Variants in ZNF365 observed in about 807,000 individuals in gnomAD.
ZNF365 encodes the protein zinc finger protein 365.
A neutral mutation model predicts 35.0 loss-of-function variants in ZNF365; 22 were observed. The ratio of observed to expected loss-of-function variants is 0.63; its 90% CI spans 0.45 to 0.90. The LOEUF (loss-of-function observed/expected upper bound fraction) is 0.90, where lower values mean the gene tolerates loss of function less well. ZNF365 is among the 40% of genes least tolerant of loss of function. The pLI is 0.00. For missense variants in ZNF365, 448 were observed against 500.3 expected, an observed-to-expected ratio of 0.90 and a Z score of 1.00; for synonymous variants, 188 against 196.2, an observed-to-expected ratio of 0.96 and a Z score of 0.35.
chr10:62,417,665 CTTT>C (rs34591284), intron 3 of ZNF365, among the ~76,000 whole-genome samples: 8 of 150,298 alleles, frequency 5.3e-5, no homozygotes, highest in African/African-American at 9.8e-5. Context: ...AATCTCCTGT[CTTT>C]TTTTTTTTAA....
intron 4 of ZNF365, among the ~76,000 whole-genome samples, chr10:62,472,671 T>C (rs1395581649): frequency 6.6e-6 from 1 of 152,130 alleles, no homozygotes; most frequent in Non-Finnish European, 1.5e-5. Flanking sequence ...AGACAATACG[T>C]TTCTATTGTT....
intron 4 of ZNF365, among the ~76,000 whole-genome samples, chr10:62,465,226 G>C (rs1042456704): frequency 5.3e-5 from 8 of 152,168 alleles, no homozygotes; most frequent in African/African-American, 1.9e-4. Flanking sequence ...CACATGCTTG[G>C]AGCAGCGCTG....
chr10:62,387,608 G>T (rs1224503812), intron 2 of ZNF365, among the ~76,000 whole-genome samples: 1 of 152,052 alleles, frequency 6.6e-6, no homozygotes, highest in Non-Finnish European at 1.5e-5. Flanking sequence ...CAGCTTCTTA[G>T]GGGAGGGCAA....
Position 62,455,620 on chromosome 10 carries a change from C to T in ZNF365, c.925-4121C>T, listed in dbSNP as rs531848463. Among the ~76,000 whole-genome samples, 254 of 151,640 alleles carry T rather than the reference C, an allele frequency of 1.7e-3. 2 individuals carry two copies. Among genetic ancestry groups the T allele is most frequent in the African/African-American group, 6.0e-3 (249 of 41,352 alleles). Reference sequence around the variant, plus strand: ...TACTGATTTATAAATCTCATATATACATAGTTTATTTAAACTATGTGCATA... The same window carrying T: ...TACTGATTTATAAATCTCATATATATATAGTTTATTTAAACTATGTGCATA... On this transcript the variant is annotated intron_variant, in intron 3 of 4. Coordinates refer to the ZNF365 transcript ENST00000395255.
intron 3 of ZNF365, among the ~76,000 whole-genome samples, chr10:62,452,028 T>C (rs1840691073): frequency 6.6e-6 from 1 of 152,354 alleles, no homozygotes; most frequent in South Asian, 2.1e-4. Context: ...TATTCCTATA[T>C]TACCAGTGCA....
chr10:62,452,338 A>C (rs1052080197), intron 3 of ZNF365, among the ~76,000 whole-genome samples: 1 of 152,196 alleles, frequency 6.6e-6, no homozygotes, highest in East Asian at 1.9e-4. Context: ...AATCAAGGAA[A>C]TTGATGGGAA....
At chr10:62,458,362 C>G (rs891848346) in intron 3 of ZNF365, among the ~76,000 whole-genome samples, 8 of 151,952 alleles carry the variant, frequency 5.3e-5, no homozygotes, top group African/African-American at 1.9e-4. Flanking sequence ...TGATGGTTTC[C>G]TTTTTTGTCT....
chr10:62,440,080 G>A (rs1485246087), intron 3 of ZNF365, among the ~76,000 whole-genome samples: 7 of 152,106 alleles, frequency 4.6e-5, no homozygotes, highest in African/African-American at 1.7e-4. Flanking sequence ...TGCCTATGGA[G>A]TCTGTTATAC....
chr10:62,442,026 G>A (rs1840509554), intron 3 of ZNF365, among the ~76,000 whole-genome samples: 2 of 152,108 alleles, frequency 1.3e-5, no homozygotes, highest in Admixed American at 6.6e-5. Context: ...TCCCAAGCTG[G>A]GTAGACATGC....
intron 3 of ZNF365, among the ~76,000 whole-genome samples, chr10:62,451,079 G>A (rs186919707): frequency 6.6e-6 from 1 of 152,120 alleles, no homozygotes; most frequent in Admixed American, 6.6e-5. Context: ...ATGAAACTAC[G>A]TGCAGAAAAC....
At chr10:62,416,492 G>T (rs1057285314) in intron 3 of ZNF365, among the ~76,000 whole-genome samples, 5 of 151,956 alleles carry the variant, frequency 3.3e-5, no homozygotes, top group East Asian at 1.9e-4. Context: ...CCTATTTTTC[G>T]AATGTCTTGA....
At chr10:62,465,164 G>A (rs1483523983) in intron 4 of ZNF365, among the ~76,000 whole-genome samples, 1 of 152,250 alleles carries the variant, frequency 6.6e-6, no homozygotes, top group African/African-American at 2.4e-5. Context: ...CCACTTCAGT[G>A]CAGAGCAAAG....
chr10:62,389,228 C>T (rs1396838516), intron 3 of ZNF365, among the ~76,000 whole-genome samples: 1 of 127,158 alleles, frequency 7.9e-6, no homozygotes, highest in Non-Finnish European at 1.6e-5. Flanking sequence ...TTCCCTTGGT[C>T]TCGTTGGAGG....
intron 4 of ZNF365, among the ~76,000 whole-genome samples, chr10:62,478,825 C>T (rs551018757): frequency 4.6e-5 from 7 of 152,316 alleles, no homozygotes; most frequent in South Asian, 4.1e-4. Flanking sequence ...CTGCCTGCCT[C>T]GGCCTCCCAA....
At chr10:62,390,182 A>G (rs939997549) in intron 3 of ZNF365, among the ~76,000 whole-genome samples, 1 of 152,116 alleles carries the variant, frequency 6.6e-6, no homozygotes, top group African/African-American at 2.4e-5. Flanking sequence ...TCCTGGGCCT[A>G]TATTTCTTCT....
At chr10:62,382,487 A>G (rs936279792) in intron 2 of ZNF365, among the ~76,000 whole-genome samples, 2 of 152,188 alleles carry the variant, frequency 1.3e-5, no homozygotes, top group African/African-American at 4.8e-5. Flanking sequence ...AACCCAGGAA[A>G]GTTTTCAATT....
chr10:62,452,913 C>A (rs927840656), intron 3 of ZNF365, among the ~76,000 whole-genome samples: 3 of 152,168 alleles, frequency 2.0e-5, no homozygotes, highest in Non-Finnish European at 1.5e-5. Flanking sequence ...CTTCATTGTT[C>A]CATAAATATA....
intron 3 of ZNF365, among the ~76,000 whole-genome samples, chr10:62,421,071 G>T (rs543128113): frequency 3.3e-4 from 50 of 151,910 alleles, no homozygotes; most frequent in African/African-American, 1.2e-3. Context: ...TGGCCTACTT[G>T]GGTTTAGAGA....
At chr10:62,454,337 C>T (rs1168923377) in intron 3 of ZNF365, among the ~76,000 whole-genome samples, 1 of 152,142 alleles carries the variant, frequency 6.6e-6, no homozygotes, top group Non-Finnish European at 1.5e-5. Flanking sequence ...AAACTGTGTG[C>T]CAAGGAATCC....
Sources: allele counts gnomAD v4.1 joint callset (sites outside exome capture counted in the v4.1 genomes callset), GRCh38; gene constraint gnomAD v4.1.1; transcripts MANE v1.5; gene names NCBI Gene and HGNC (gene_info 2026-07-23, HGNC 2026-07-21).